ZNF618: variants seen among roughly 807,000 people sequenced by gnomAD.
The protein encoded by ZNF618 is zinc finger protein 618.
A neutral mutation model predicts 103.0 loss-of-function variants in ZNF618; 34 were observed. That is an observed-to-expected ratio of 0.33 (90% CI 0.25 to 0.44). ZNF618 has a LOEUF of 0.44. Among genes scored for constraint, ZNF618 ranks in the 20% least tolerant of loss-of-function variants. The probability of loss-of-function intolerance (pLI) is 1.00; values close to 1 mark genes in which losing one functional copy is unlikely to be tolerated. For synonymous variants in ZNF618, 551 were observed against 542.2 expected, an observed-to-expected ratio of 1.02 and a Z score of -0.23; for missense variants, 1,059 against 1,295.4, an observed-to-expected ratio of 0.82 and a Z score of 2.80.
intron 3 of ZNF618, among the ~76,000 whole-genome samples, chr9:113,989,892 G>A (rs1171852245): frequency 6.6e-6 from 1 of 152,172 alleles, no homozygotes; most frequent in African/African-American, 2.4e-5. Context: ...CCCCTGCCCT[G>A]GCTGCCAGGA....
At chr9:113,993,532 G>A (rs1840277981) in intron 3 of ZNF618, among the ~76,000 whole-genome samples, 1 of 152,206 alleles carries the variant, frequency 6.6e-6, no homozygotes, top group African/African-American at 2.4e-5. Flanking sequence ...TCCCATTATG[G>A]TGGTCCAGGT....
intron 10 of ZNF618, among the ~76,000 whole-genome samples, chr9:114,020,380 A>T (rs575507703): frequency 4.6e-5 from 7 of 152,118 alleles, no homozygotes; most frequent in Non-Finnish European, 8.8e-5. Context: ...TTGGGATTCT[A>T]TTGAATCTGT....
chr9:114,048,754 G>A lies in ZNF618; in HGVS notation c.1452G>A (p.Leu484=), dbSNP rs893960571. ...TCATGTGTGCCGACCTGGGTGCACTGAGCGTGGTCAGCGGGAAGGAGTTCC... is the reference window on the plus strand; with the variant it reads ...TCATGTGTGCCGACCTGGGTGCACTAAGCGTGGTCAGCGGGAAGGAGTTCC... ...LRVMCADLGA[L]SVVSGKEFLK... The change falls in exon 15 of 15, where the codon CTG becomes CTA. Residue 484 remains leucine (L), a synonymous_variant. Coordinates refer to ENST00000374126, the MANE Select transcript of ZNF618 (RefSeq NM_001318042.2). 1.2e-6 allele frequency: 2 copies of A among 1,614,036 alleles called. No homozygotes were observed. The highest frequency in any genetic ancestry group is 1.3e-5 in the African/African-American group (1 of 75,064).
At chr9:113,994,337 T>C (rs1045522324) in intron 3 of ZNF618, among the ~76,000 whole-genome samples, 1 of 152,160 alleles carries the variant, frequency 6.6e-6, no homozygotes, top group Non-Finnish European at 1.5e-5. Context: ...TTTCAATAGG[T>C]TGTTGGCAGG....
At chr9:114,028,549 A>C (rs1023540352) in intron 10 of ZNF618, 184 bp from the exon 11 acceptor site, 9 of 910,698 alleles carry the variant, frequency 9.9e-6, no homozygotes, top group African/African-American at 6.7e-5. Context: ...GTGAGCTGAC[A>C]GAAGGTTCCA....
intron 1 of ZNF618, among the ~76,000 whole-genome samples, chr9:113,940,276 C>A (rs1834428552): frequency 6.6e-6 from 1 of 151,712 alleles, no homozygotes; most frequent in Non-Finnish European, 1.5e-5. Context: ...TTTTTTGTGG[C>A]CTGTCACATG....
chr9:113,889,753 A>G (rs2130990932), intron 1 of ZNF618, among the ~76,000 whole-genome samples: 1 of 152,194 alleles, frequency 6.6e-6, no homozygotes, highest in Middle Eastern at 3.4e-3. Flanking sequence ...CCACTCACCC[A>G]TTCCATCTTT....
chr9:113,933,555 T>C (rs1833786929), intron 1 of ZNF618, among the ~76,000 whole-genome samples: 1 of 152,106 alleles, frequency 6.6e-6, no homozygotes, highest in South Asian at 2.1e-4. Context: ...GAGCAGGTTG[T>C]TTGAGGTTTG....
intron 1 of ZNF618, among the ~76,000 whole-genome samples, chr9:113,930,240 T>C (rs1033969602): frequency 2.0e-5 from 3 of 152,220 alleles, no homozygotes; most frequent in African/African-American, 7.2e-5. Flanking sequence ...CTTTTACTCA[T>C]TTTCTTAGAT....
At chr9:114,015,751 T>C (rs1169714849) in intron 9 of ZNF618, among the ~76,000 whole-genome samples, 1 of 152,238 alleles carries the variant, frequency 6.6e-6, no homozygotes, top group Non-Finnish European at 1.5e-5. Flanking sequence ...CAATGTCCCT[T>C]GGTGTAGGGG....
chr9:113,926,352 G>GT (rs1833096084), intron 1 of ZNF618, among the ~76,000 whole-genome samples: 5 of 151,826 alleles, frequency 3.3e-5, no homozygotes, highest in South Asian at 4.2e-4. Context: ...CTGGGATACA[G>GT]TTTTTTTGGT....
At chr9:114,001,197 C>T (rs941904273) in intron 4 of ZNF618, among the ~76,000 whole-genome samples, 1 of 151,938 alleles carries the variant, frequency 6.6e-6, no homozygotes, top group African/African-American at 2.4e-5. Context: ...GCAGGCTCAT[C>T]TTTTAACCTC....
At chr9:113,910,829 C>CT (rs1212220846) in intron 1 of ZNF618, among the ~76,000 whole-genome samples, 1 of 149,114 alleles carries the variant, frequency 6.7e-6, no homozygotes, top group Non-Finnish European at 1.5e-5. Flanking sequence ...TCTGCTTTTT[C>CT]TTTTTTTCTT....
chr9:113,917,951 A>G (rs954977470), intron 1 of ZNF618, among the ~76,000 whole-genome samples: 21 of 152,082 alleles, frequency 1.4e-4, no homozygotes, highest in African/African-American at 4.8e-4. Flanking sequence ...CTGTAGACCT[A>G]TTCACATTTC....
chr9:113,910,506 G>A (rs1588013489), intron 1 of ZNF618, among the ~76,000 whole-genome samples: 1 of 152,294 alleles, frequency 6.6e-6, no homozygotes, highest in Middle Eastern at 3.4e-3. Flanking sequence ...CCAGCCAGGT[G>A]TGTTCAGGTG....
intron 1 of ZNF618, among the ~76,000 whole-genome samples, chr9:113,883,907 G>A (rs953058024): frequency 7.4e-6 from 1 of 134,842 alleles, no homozygotes; most frequent in African/African-American, 2.8e-5. Context: ...ATTGAGTGTT[G>A]TTGTCCTCCT....
At chr9:113,920,153 C>T (rs566308954) in intron 1 of ZNF618, among the ~76,000 whole-genome samples, 6 of 152,288 alleles carry the variant, frequency 3.9e-5, no homozygotes, top group Non-Finnish European at 1.5e-5. Context: ...CCTTTGTACT[C>T]CCAAGTTCCT....
chr9:114,048,495 A>G (rs1376681731), intron 14 of ZNF618, among the ~76,000 whole-genome samples, 156 bp from the exon 15 acceptor site: 1 of 152,204 alleles, frequency 6.6e-6, no homozygotes, highest in Non-Finnish European at 1.5e-5. Flanking sequence ...CTGTGAGACC[A>G]TCATATATTA....
At chr9:114,045,163 T>C (rs1347149155) in intron 13 of ZNF618, among the ~76,000 whole-genome samples, 1 of 152,120 alleles carries the variant, frequency 6.6e-6, no homozygotes, top group Non-Finnish European at 1.5e-5. Context: ...CGGTTGTCTT[T>C]TTACTTTCTT....
Sources: gnomAD v4.1 joint callset for allele counts (sites outside exome capture counted in the v4.1 genomes callset) on GRCh38, gnomAD v4.1.1 for gene constraint, MANE v1.5 for transcripts, NCBI Gene and HGNC (gene_info 2026-07-23, HGNC 2026-07-21) for gene names.